The following GGA2 variants were observed in gnomAD, a reference collection of about 807,000 sequenced individuals.
GGA2 encodes ADP-ribosylation factor-binding protein GGA2.
In GGA2, 48 loss-of-function variants were observed where a neutral mutation model predicts 79.5. That is an observed-to-expected ratio of 0.60 (90% confidence interval 0.48 to 0.77). The LOEUF (loss-of-function observed/expected upper bound fraction) is 0.77, where lower values mean the gene tolerates loss of function less well. Among genes scored for constraint, GGA2 ranks in the 30% least tolerant of loss-of-function variants. The pLI, the probability that GGA2 is intolerant of heterozygous loss-of-function variation, is 0.00. For synonymous variants in GGA2, 317 were observed against 302.0 expected (o/e 1.05, Z -0.51); for missense variants, 770 against 774.0 (o/e 0.99, Z 0.06).
At chr16:23,490,061 G>C (rs924581921) in intron 5 of GGA2, among the ~76,000 whole-genome samples, 15 of 152,180 alleles carry the variant, frequency 9.9e-5, no homozygotes, top group Non-Finnish European at 1.8e-4. Flanking sequence ...CTATCCCTCT[G>C]ACAAGGGATG....
intron 13 of GGA2, 123 bp from the exon 14 acceptor site, chr16:23,475,184 T>A: frequency 1.9e-6 from 1 of 529,512 alleles, no homozygotes; most frequent in Non-Finnish European, 3.3e-6. Context: ...TTAGATGTTA[T>A]ATGCCTTTTT....
chr16:23,500,306 A>G (rs527488607), intron 1 of GGA2, among the ~76,000 whole-genome samples: 12 of 152,340 alleles, frequency 7.9e-5, no homozygotes, highest in Non-Finnish European at 1.6e-4. Flanking sequence ...AAGCTACCGG[A>G]GAGGAGCCAG....
At chr16:23,518,006 G>A (rs897289543) in intron 2 of GGA2, among the ~76,000 whole-genome samples, 8 of 151,850 alleles carry the variant, frequency 5.3e-5, no homozygotes, top group African/African-American at 1.7e-4. Context: ...TCTGCCTCCC[G>A]GATTCAAGCG....
intron 13 of GGA2, among the ~76,000 whole-genome samples, chr16:23,475,974 C>A (rs927303323): frequency 3.3e-5 from 5 of 151,962 alleles, no homozygotes. Context: ...AATGTCCACA[C>A]ATAATAAGAA....
intron 14 of GGA2, among the ~76,000 whole-genome samples, chr16:23,473,565 T>G (rs986230337): frequency 6.6e-6 from 1 of 152,024 alleles, no homozygotes; most frequent in Non-Finnish European, 1.5e-5. Flanking sequence ...TGACCTCAAG[T>G]GATCTGCCCA....
intron 1 of GGA2, among the ~76,000 whole-genome samples, chr16:23,509,648 C>CT (rs1965012883): frequency 6.6e-6 from 1 of 151,532 alleles, no homozygotes; most frequent in Admixed American, 6.6e-5. Context: ...GACTGTGAAG[C>CT]TTACAGGAGA....
chr16:23,501,237 T>C (rs1964918435), intron 1 of GGA2: 2 of 452,202 alleles, frequency 4.4e-6, no homozygotes, highest in Middle Eastern at 3.4e-4. Flanking sequence ...TTGGTGTACA[T>C]CGAACGACTT....
At position 23,486,134 on chromosome 16, in the gene GGA2, TC is replaced by T. The variant is rs769301088; in HGVS notation, c.678del (p.Lys227ArgfsTer16). 6.2e-7 allele frequency: 1 copy of T among 1,613,930 alleles called. No individual in the cohort carries two copies. Among genetic ancestry groups the T allele is most frequent in the Admixed American group, 1.7e-5 (1 of 60,008 alleles). ...NLVKEEQEKS[E>X]KVSKRVSAVE... The stretch of plus-strand genomic sequence containing the variant: ...ACCGCACTGACCCTCTTGGACACCT[TC>T]TCCGATTTTTCTTGTTCCTTTTGGG... On this transcript the variant is annotated frameshift_variant, in exon 8 of 17. Coordinates refer to ENST00000309859, the MANE Select transcript of GGA2 (RefSeq NM_015044.4). LOFTEE classifies it high-confidence loss of function.
chr16:23,500,259 T>C (rs1468748218), intron 1 of GGA2, among the ~76,000 whole-genome samples: 1 of 152,126 alleles, frequency 6.6e-6, no homozygotes, highest in East Asian at 1.9e-4. Flanking sequence ...GAGGTATAAG[T>C]GCTGAGCTCT....
intron 9 of GGA2, among the ~76,000 whole-genome samples, chr16:23,481,562 C>CTTTG (rs1478915044): frequency 6.6e-6 from 1 of 152,110 alleles, no homozygotes; most frequent in Non-Finnish European, 1.5e-5. Context: ...CACTTGAGCC[C>CTTTG]AGGAGTTTGA....
In GGA2 at chr16:23,480,661, G is replaced by A; in HGVS notation, c.990C>T (p.Asp330=). ...FGNRVTSSLG[D]IPVSRVFQNP... is the part of the protein sequence containing the mutation. ...CAAACATACCTCTGGAGACAGGGAT[G>A]TCTCCCAATGAGCTGGTCACTCTGT... Residue 330 remains aspartate (D), a synonymous_variant, in exon 10 of 17, where the codon GAC becomes GAT. Coordinates refer to ENST00000309859, the MANE Select transcript of GGA2 (RefSeq NM_015044.4). 12 of 1,612,676 alleles carry A rather than the reference G, an allele frequency of 7.4e-6. No homozygotes were observed. Among genetic ancestry groups the A allele is most frequent in the Non-Finnish European group, 1.0e-5 (12 of 1,178,736 alleles).
In GGA2 at chr16:23,480,417, G is replaced by A; in HGVS notation, c.1006+228C>T. 3 of 481,586 alleles carry A rather than the reference G, an allele frequency of 6.2e-6. No homozygotes were observed. In the South Asian group the frequency reaches 1.0e-4, roughly 16 times the overall value. 29.8% of individuals were successfully genotyped at this position (481,586 alleles called of 1,614,324 possible). A position where few individuals can be genotyped will look rare whatever the true frequency, so the allele number is the denominator to read the frequency against. On this transcript the variant is annotated intron_variant, in intron 10 of 16. Transcript: ENST00000309859. ...AGAATTCAAACGCAGGCACAGCTTAGCCATCTGCTTTTGTGTGTAGTCAAA... is the reference window on the plus strand; with the variant it reads ...AGAATTCAAACGCAGGCACAGCTTAACCATCTGCTTTTGTGTGTAGTCAAA...
intron 1 of GGA2, among the ~76,000 whole-genome samples, chr16:23,503,411 A>T (rs117335381): frequency 6.6e-6 from 1 of 152,196 alleles, no homozygotes; most frequent in African/African-American, 2.4e-5. Flanking sequence ...TGTAATAATG[A>T]TATTTTCTTT....
At chr16:23,501,243 G>A (rs780683292) in intron 1 of GGA2, 4 of 451,962 alleles carry the variant, frequency 8.9e-6, no homozygotes, top group Middle Eastern at 3.3e-4. Flanking sequence ...TACATCGAAC[G>A]ACTTTTAACT....
chr16:23,513,717 G>A (rs540545940), upstream of GGA2, among the ~76,000 whole-genome samples: 86 of 148,132 alleles, frequency 5.8e-4, no homozygotes, highest in Non-Finnish European at 7.0e-4. Context: ...CCTGGGAGGC[G>A]GAGGTTGCAG....
chr16:23,501,309 T>G (rs1305578245), intron 1 of GGA2: 24 of 456,874 alleles, frequency 5.3e-5, no homozygotes, highest in Non-Finnish European at 7.9e-5. Context: ...CTTGGAGCCA[T>G]GCTTCTTGCC....
rs1964823758 is a variant in GGA2, at chr16:23,494,068, T to C, written c.252+235A>G. 4 of 550,020 alleles carry C rather than the reference T, an allele frequency of 7.3e-6. No individual in the cohort carries two copies. In the East Asian group the frequency reaches 1.2e-4, roughly 16 times the overall value. The allele number at this position is 550,020 out of a possible 1,614,324, so 34.1% of individuals were successfully genotyped here. On this transcript the variant is annotated intron_variant, in intron 3 of 16. Coordinates refer to ENST00000309859, the MANE Select transcript of GGA2 (RefSeq NM_015044.4). Reference sequence around the variant, plus strand: ...AAGAAGGGCAAATGAAATAAAACCTTCCTTTCCTTCTCCCACAGTAGACTC... The same window carrying C: ...AAGAAGGGCAAATGAAATAAAACCTCCCTTTCCTTCTCCCACAGTAGACTC...
chr16:23,502,240 TCTA>T (rs1040475424), intron 1 of GGA2, among the ~76,000 whole-genome samples: 2 of 152,146 alleles, frequency 1.3e-5, no homozygotes, highest in African/African-American at 2.4e-5. Flanking sequence ...GGCCTGCTCA[TCTA>T]CTCTTTGGAG....
chr16:23,469,019 A>C, intron 15 of GGA2, 23 bp from the exon 16 acceptor site: 3 of 1,360,330 alleles, frequency 2.2e-6, no homozygotes, highest in Non-Finnish European at 3.2e-6. Context: ...GAAAACCAAC[A>C]TGTAACTCAT....
Sources: gnomAD v4.1 joint callset for allele counts (sites outside exome capture counted in the v4.1 genomes callset) on GRCh38, gnomAD v4.1.1 for gene constraint, MANE v1.5 for transcripts, NCBI Gene and HGNC (gene_info 2026-07-23, HGNC 2026-07-21) for gene names.